Variants in RAD51 observed in about 807,000 individuals in gnomAD.
RAD51 encodes DNA repair protein RAD51 homolog 1.
RAD51 carries 14 observed loss-of-function variants against 41.5 expected under a neutral mutation model. The ratio of observed to expected loss-of-function variants is 0.34; its 90% confidence interval spans 0.22 to 0.53. RAD51 has a LOEUF of 0.53. Among genes scored for constraint, RAD51 ranks in the 20% least tolerant of loss-of-function variants. The pLI, the probability that RAD51 is intolerant of heterozygous loss-of-function variation, is 0.95. For synonymous variants in RAD51, 136 were observed against 148.6 expected (o/e 0.92, Z 0.62); for missense variants, 234 against 422.0 (o/e 0.55, Z 3.90).
intron 1 of RAD51, among the ~76,000 whole-genome samples, chr15:40,696,605 C>G (rs1259194623): frequency 6.6e-6 from 1 of 152,180 alleles, no homozygotes; most frequent in Non-Finnish European, 1.5e-5. Context: ...TAGAATGGTC[C>G]TCAGAAGCCT....
chr15:40,699,130 G>T (rs1894831346), intron 2 of RAD51, among the ~76,000 whole-genome samples: 1 of 152,146 alleles, frequency 6.6e-6, no homozygotes, highest in South Asian at 2.1e-4. Context: ...TGGAATCTCT[G>T]TGCTGTTTTT....
chr15:40,695,408 G>C lies in RAD51; in HGVS notation c.-20G>C, dbSNP rs1468230538. 2 of 152,800 alleles carry C rather than the reference G, an allele frequency of 1.3e-5. No homozygotes were observed. The highest frequency in any genetic ancestry group is 4.8e-5 in the African/African-American group (2 of 41,468). The allele number at this position is 152,800 out of a possible 1,614,324, so 9.5% of individuals were successfully genotyped here. On this transcript the variant is annotated 5_prime_UTR_variant, in exon 1 of 10. Transcript: ENST00000267868. ...CGGAGCGCGGGGCCTGCTGGAGAGAGGAGCGCTGCGGACCGAGGTGAGTGT... is the reference window on the plus strand; with the variant it reads ...CGGAGCGCGGGGCCTGCTGGAGAGACGAGCGCTGCGGACCGAGGTGAGTGT...
At chr15:40,698,924 AAT>A in intron 2 of RAD51, 79 bp downstream of exon 2, 1 of 1,411,726 alleles carries the variant, frequency 7.1e-7, no homozygotes, top group Admixed American at 1.7e-5. Flanking sequence ...CTTTACATAA[AAT>A]ATAGGTTTAC....
At chr15:40,727,661 G>A (rs1404340493) in intron 6 of RAD51, among the ~76,000 whole-genome samples, 1 of 151,786 alleles carries the variant, frequency 6.6e-6, no homozygotes, top group Non-Finnish European at 1.5e-5. Context: ...GTGCAGTAAA[G>A]TACTTACACC....
chr15:40,730,521 T>TTTTC (rs1555429750), intron 9 of RAD51, among the ~76,000 whole-genome samples: 25 of 92,682 alleles, frequency 2.7e-4, no homozygotes, highest in African/African-American at 1.1e-3. Context: ...ATTTTTTTTC[T>TTTTC]TTTTTTTTTT....
chr15:40,695,466 G>A (rs1894556783), intron 1 of RAD51, 41 bp downstream of exon 1: 1 of 152,232 alleles, frequency 6.6e-6, no homozygotes, highest in Non-Finnish European at 1.5e-5. Context: ...CAGAGCCGCG[G>A]CTCGTCCTCG....
chr15:40,701,334 G>A lies in RAD51; in HGVS notation c.225+133G>A, dbSNP rs1055014849. Reference sequence around the variant, plus strand: ...TCCTTTCCAGGGGTGACTGTTACCTGTTTCTTTTCTTCTTTTCTTTTCTTT... The same window carrying A: ...TCCTTTCCAGGGGTGACTGTTACCTATTTCTTTTCTTCTTTTCTTTTCTTT... On this transcript the variant is annotated intron_variant, in intron 3 of 9. Coordinates refer to ENST00000267868, the MANE Select transcript of RAD51 (RefSeq NM_002875.5). 97 of 828,552 alleles carry A rather than the reference G, an allele frequency of 1.2e-4. No homozygotes were observed. The Admixed American group carries it at 1.7e-3, about 15-fold the overall frequency. 51.3% of individuals were successfully genotyped at this position (828,552 alleles called of 1,614,324 possible). A position where few individuals can be genotyped will look rare whatever the true frequency, so the allele number is the denominator to read the frequency against.
intron 4 of RAD51, among the ~76,000 whole-genome samples, chr15:40,708,479 C>T (rs1304943109): frequency 2.0e-5 from 3 of 151,372 alleles, no homozygotes; most frequent in Non-Finnish European, 2.9e-5. Flanking sequence ...CAGCCCGCCT[C>T]GGCCCCCTAA....
rs1241742559 is a variant in RAD51, at chr15:40,719,424, T to G, written c.530+525T>G. ...AAAAAAAAAAAATCCAACTATATGT[T>G]TTCTTCCAGAGAAACCCTTTAGAAA... On this transcript the variant is annotated intron_variant, in intron 6 of 9. Coordinates refer to ENST00000267868, the MANE Select transcript of RAD51 (RefSeq NM_002875.5). Among the ~76,000 whole-genome samples the G allele has an allele frequency of 2.6e-5, 4 of 152,178 alleles. No homozygotes were observed. The East Asian group carries it at 7.7e-4, about 29-fold the overall frequency.
intron 5 of RAD51, among the ~76,000 whole-genome samples, chr15:40,715,529 G>C (rs1413737981): frequency 6.6e-6 from 1 of 152,170 alleles, no homozygotes; most frequent in Admixed American, 6.5e-5. Flanking sequence ...TATAAAATGA[G>C]AAGTGTTAAA....
Position 40,732,329 on chromosome 15 carries a change from A to G in RAD51, c.*1151A>G, listed in dbSNP as rs45450497. On this transcript the variant is annotated 3_prime_UTR_variant, in exon 10 of 10. Coordinates refer to ENST00000267868, the MANE Select transcript of RAD51 (RefSeq NM_002875.5). ...TTAAAAGCTAATGGAAAAATAAAAG[A>G]AAGACATACCATGGGTTGCCTTGTG... 4.3e-3 allele frequency: 705 copies of G among 164,674 alleles called. 12 individuals are homozygous for G. The highest frequency in any genetic ancestry group is 0.016 in the Middle Eastern group (6 of 378). 10.2% of individuals were successfully genotyped at this position (164,674 alleles called of 1,614,324 possible). A position where few individuals can be genotyped will look rare whatever the true frequency, so the allele number is the denominator to read the frequency against.
Position 40,714,065 on chromosome 15 carries a change from G to A in RAD51, c.436-4740G>A, listed in dbSNP as rs553057091. Among the ~76,000 whole-genome samples, 275 of 144,866 alleles carry A rather than the reference G, an allele frequency of 1.9e-3. 2 individuals are homozygous for A. The highest frequency in any genetic ancestry group is 3.2e-3 in the Non-Finnish European group (216 of 67,102). On this transcript the variant is annotated intron_variant, in intron 5 of 9. Coordinates refer to ENST00000267868, the MANE Select transcript of RAD51 (RefSeq NM_002875.5). ...GCTGTTCTTGAACTCCTGAGCGCAA[G>A]CAATCCTCCAACCTCAGCCTCCCAC...
chr15:40,726,757 A>T lies in RAD51; in HGVS notation c.531-1954A>T, dbSNP rs569971530. On this transcript the variant is annotated intron_variant, in intron 6 of 9. Transcript: ENST00000267868. ...GTGAAACCCCGTCTCTACTAAAAAT[A>T]AAAAAATTAGCCAGGCGTGGTAGCG... Among the ~76,000 whole-genome samples the T allele has an allele frequency of 5.8e-4, 88 of 151,786 alleles. No homozygotes were observed. In the South Asian group the frequency reaches 6.1e-3, roughly 10 times the overall value.
At chr15:40,725,685 C>T (rs897896506) in intron 6 of RAD51, among the ~76,000 whole-genome samples, 1 of 152,136 alleles carries the variant, frequency 6.6e-6, no homozygotes, top group Admixed American at 6.5e-5. Context: ...GGGCTAGCAA[C>T]CTGTTTTAAC....
chr15:40,723,414 A>G (rs1318687179), intron 6 of RAD51, among the ~76,000 whole-genome samples: 3 of 152,204 alleles, frequency 2.0e-5, no homozygotes, highest in Admixed American at 1.3e-4. Context: ...TATCATTATA[A>G]TAGCCCAAAA....
At chr15:40,728,669 A>C in intron 6 of RAD51, 42 bp from the exon 7 acceptor site, 1 of 1,522,516 alleles carries the variant, frequency 6.6e-7, no homozygotes, top group South Asian at 1.1e-5. Context: ...CATCTGCCTG[A>C]GTTCTGTGTG....
At chr15:40,710,241 C>CAAAAAAAAAAAAAAAAAAAAAAAAAAAA (rs71104728) in intron 5 of RAD51, among the ~76,000 whole-genome samples, 1 of 44,312 alleles carries the variant, frequency 2.3e-5, no homozygotes, top group Non-Finnish European at 3.5e-5. Context: ...GACTCTGTCT[C>CAAAAAAAAAAAAAAAAAAAAAAAAAAAA]AAAAAAAAAA....
intron 2 of RAD51, among the ~76,000 whole-genome samples, chr15:40,700,060 G>T (rs1373980329): frequency 6.6e-6 from 1 of 152,122 alleles, no homozygotes; most frequent in Non-Finnish European, 1.5e-5. Flanking sequence ...CTGGTGCCAT[G>T]AGCATCCTTA....
chr15:40,730,904 G>C, intron 9 of RAD51, 151 bp from the exon 10 acceptor site: 2 of 996,678 alleles, frequency 2.0e-6, no homozygotes, highest in Non-Finnish European at 2.9e-6. Flanking sequence ...CTGCCAGGTT[G>C]GAAATGCACT....
Sources: gnomAD v4.1 joint callset for allele counts (sites outside exome capture counted in the v4.1 genomes callset) on GRCh38, gnomAD v4.1.1 for gene constraint, MANE v1.5 for transcripts, NCBI Gene and HGNC (gene_info 2026-07-23, HGNC 2026-07-21) for gene names.